The following RNLS variants were observed in gnomAD, a reference collection of about 807,000 sequenced individuals.
The protein encoded by RNLS is renalase, FAD dependent amine oxidase, also known as renalase.
A neutral mutation model predicts 39.8 loss-of-function variants in RNLS; 39 were observed. The ratio of observed to expected loss-of-function variants is 0.98; its 90% confidence interval spans 0.76 to 1.28. The LOEUF (loss-of-function observed/expected upper bound fraction) is 1.28, where lower values mean the gene tolerates loss of function less well. Ranked by LOEUF, RNLS falls within the 50% of genes most tolerant of loss-of-function variation. The pLI, the probability that RNLS is intolerant of heterozygous loss-of-function variation, is 0.00. For missense variants in RNLS, 410 were observed against 413.3 expected (o/e 0.99, Z 0.07); for synonymous variants, 147 against 150.7 (o/e 0.98, Z 0.18).
intron 4 of RNLS, among the ~76,000 whole-genome samples, chr10:88,382,901 G>A (rs972549071): frequency 2.6e-4 from 39 of 152,002 alleles, no homozygotes; most frequent in Admixed American, 2.2e-3. Flanking sequence ...ACCTGAAGGG[G>A]AATCTTCTAA....
the RNLS span, among the ~76,000 whole-genome samples, chr10:88,234,970 C>A: frequency 6.6e-6 from 1 of 151,962 alleles, no homozygotes; most frequent in African/African-American, 2.4e-5. Flanking sequence ...ATGTAGAAAT[C>A]CCTAACATGG....
chr10:88,404,341 C>T (rs1853132578), intron 4 of RNLS, among the ~76,000 whole-genome samples: 1 of 152,068 alleles, frequency 6.6e-6, no homozygotes, highest in Non-Finnish European at 1.5e-5. Context: ...ATTGTTTAAT[C>T]ATTCTAAGCC....
the RNLS span, among the ~76,000 whole-genome samples, chr10:88,247,071 A>G: frequency 2.0e-5 from 3 of 152,252 alleles, no homozygotes; most frequent in East Asian, 1.9e-4. Context: ...GTGGGAAAAA[A>G]TCTTGGTGAC....
chr10:88,247,306 A>G, the RNLS span, among the ~76,000 whole-genome samples: 1 of 152,242 alleles, frequency 6.6e-6, no homozygotes, highest in African/African-American at 2.4e-5. Flanking sequence ...CAAGGAAGTG[A>G]CATATACTTA....
At chr10:88,369,748 T>G (rs974933784) in intron 4 of RNLS, among the ~76,000 whole-genome samples, 3 of 152,090 alleles carry the variant, frequency 2.0e-5, no homozygotes, top group South Asian at 2.1e-4. Flanking sequence ...GGTGCAATCT[T>G]TGCTCACTGC....
intron 5 of RNLS, among the ~76,000 whole-genome samples, chr10:88,352,610 T>A (rs1205058957): frequency 2.0e-5 from 3 of 152,238 alleles, no homozygotes; most frequent in African/African-American, 4.8e-5. Flanking sequence ...GCCAGTATCT[T>A]ATTGAGGATT....
the RNLS span, among the ~76,000 whole-genome samples, chr10:88,193,943 C>G: frequency 1.1e-4 from 17 of 152,278 alleles, no homozygotes; most frequent in South Asian, 3.3e-3. Context: ...CTATTTATTT[C>G]GCATTGGTCA....
In RNLS at chr10:88,321,207, G is replaced by C. The variant is rs74932505; in HGVS notation, c.701-6566C>G. Among the ~76,000 whole-genome samples the C allele has an allele frequency of 1.4e-3, 209 of 152,078 alleles. 1 individual carries two copies. Among genetic ancestry groups the C allele is most frequent in the African/African-American group, 4.4e-3 (184 of 41,496 alleles). On this transcript the variant is annotated intron_variant, in intron 5 of 6. Coordinates refer to ENST00000331772, the MANE Select transcript of RNLS (RefSeq NM_001031709.3). Reference sequence around the variant, plus strand: ...AACAACTTGCTGCTGAATGACTTTTGGGTAAACAAAAGAATTAAAGCACAA... The same window carrying C: ...AACAACTTGCTGCTGAATGACTTTTCGGTAAACAAAAGAATTAAAGCACAA...
the RNLS span, among the ~76,000 whole-genome samples, chr10:88,240,595 C>G: frequency 6.6e-6 from 1 of 150,664 alleles, no homozygotes; most frequent in Non-Finnish European, 1.5e-5. Context: ...AGACTCTTTT[C>G]TCTTCATTAC....
chr10:88,190,337 G>C, the RNLS span, among the ~76,000 whole-genome samples: 1 of 152,198 alleles, frequency 6.6e-6, no homozygotes, highest in Non-Finnish European at 1.5e-5. Flanking sequence ...ATCCTTGGCT[G>C]TTCTCTTCTG....
the RNLS span, among the ~76,000 whole-genome samples, chr10:88,181,687 G>A: frequency 6.6e-6 from 1 of 152,146 alleles, no homozygotes; most frequent in African/African-American, 2.4e-5. Flanking sequence ...GACTTTTCAT[G>A]TGCAGTGCAT....
intron 4 of RNLS, among the ~76,000 whole-genome samples, chr10:88,365,566 T>G (rs895473517): frequency 1.3e-5 from 2 of 150,764 alleles, no homozygotes; most frequent in African/African-American, 4.9e-5. Flanking sequence ...CGTACGTATA[T>G]GTAGGATATG....
chr10:88,582,262 G>A lies in RNLS; in HGVS notation c.164C>T (p.Thr55Ile). Residue 55 changes from threonine to isoleucine, a missense_variant, in exon 2 of 7, where the codon ACA becomes ATA. Thr to Ile is a moderately conservative substitution (Grantham distance 89, BLOSUM62 -1). Transcript: ENST00000331772. ...TACSPHNPQC[T>I]ADLGAQYITC... The stretch of plus-strand genomic sequence containing the variant: ...GATGTACTGAGCACCCAAGTCAGCT[G>A]TGCACTGAGGATTATGAGGACTGCA... 1 of 1,614,072 alleles carries A rather than the reference G, an allele frequency of 6.2e-7. No individual in the cohort carries two copies.
chr10:88,279,653 T>C (rs1842939356), downstream of RNLS, among the ~76,000 whole-genome samples: 1 of 152,146 alleles, frequency 6.6e-6, no homozygotes, highest in Non-Finnish European at 1.5e-5. Flanking sequence ...TTTCACAGTG[T>C]TTCGGAGATT....
intron 4 of RNLS, among the ~76,000 whole-genome samples, chr10:88,516,177 C>A (rs1051854167): frequency 6.6e-6 from 1 of 151,842 alleles, no homozygotes; most frequent in Non-Finnish European, 1.5e-5. Flanking sequence ...CCAGTCTGTG[C>A]CATTTTGTTA....
At chr10:88,459,757 A>C (rs1589830615) in intron 4 of RNLS, among the ~76,000 whole-genome samples, 2 of 152,196 alleles carry the variant, frequency 1.3e-5, no homozygotes, top group East Asian at 3.8e-4. Context: ...TTAAGCTATC[A>C]GGTCAGCCTT....
At chr10:88,174,321 A>G in the RNLS span, among the ~76,000 whole-genome samples, 1 of 151,854 alleles carries the variant, frequency 6.6e-6, no homozygotes, top group Admixed American at 6.6e-5. Flanking sequence ...CTTGTTCCAG[A>G]TCTTAGATGT....
At chr10:88,547,037 G>T in intron 4 of RNLS, among the ~76,000 whole-genome samples, 1 of 152,168 alleles carries the variant, frequency 6.6e-6, no homozygotes, top group East Asian at 1.9e-4. Flanking sequence ...GTATGTGCCT[G>T]TGTGCTTTAT....
At chr10:88,391,151 T>C (rs1469463764) in intron 4 of RNLS, among the ~76,000 whole-genome samples, 1 of 152,174 alleles carries the variant, frequency 6.6e-6, no homozygotes, top group African/African-American at 2.4e-5. Flanking sequence ...TACAAACAGG[T>C]GTGTCTGATT....
Sources: gnomAD v4.1 joint callset for allele counts (sites outside exome capture counted in the v4.1 genomes callset) on GRCh38, gnomAD v4.1.1 for gene constraint, MANE v1.5 for transcripts, NCBI Gene and HGNC (gene_info 2026-07-23, HGNC 2026-07-21) for gene names.